The following RPTOR variants were observed in gnomAD, a reference collection of about 807,000 sequenced individuals.
RPTOR encodes the protein regulatory associated protein of MTOR complex 1, also known as regulatory-associated protein of mTOR.
A neutral mutation model predicts 169.9 loss-of-function variants in RPTOR; 21 were observed. That is an observed-to-expected ratio of 0.12 (90% CI 0.09 to 0.18). RPTOR has a LOEUF of 0.18. Among genes scored for constraint, RPTOR ranks in the 10% least tolerant of loss-of-function variants. The pLI, the probability that RPTOR is intolerant of heterozygous loss-of-function variation, is 1.00. For missense variants in RPTOR, 1,133 were observed against 1,855.9 expected, an observed-to-expected ratio of 0.61 and a Z score of 7.16; for synonymous variants, 732 against 753.2, an observed-to-expected ratio of 0.97 and a Z score of 0.46.
chr17:80,631,931 C>T (rs2065445332), intron 2 of RPTOR, among the ~76,000 whole-genome samples: 1 of 152,140 alleles, frequency 6.6e-6, no homozygotes, highest in Admixed American at 6.5e-5. Flanking sequence ...AGAGTGAGAC[C>T]CTGTCTCAAA....
intron 7 of RPTOR, among the ~76,000 whole-genome samples, chr17:80,818,819 G>C (rs898326159): frequency 6.6e-6 from 1 of 152,180 alleles, no homozygotes; most frequent in Non-Finnish European, 1.5e-5. Context: ...ATACCAATTT[G>C]TAAAAACACA....
intron 3 of RPTOR, among the ~76,000 whole-genome samples, chr17:80,700,567 G>C (rs1407408631): frequency 6.8e-6 from 1 of 147,258 alleles, no homozygotes; most frequent in Non-Finnish European, 1.5e-5. Context: ...TGGTAGAGAT[G>C]ATGGTGATGG....
rs1555613641 is a variant in RPTOR, at chr17:80,743,926, G to GAGCCCTGGCTACTAGCAC, written c.655-10076_655-10075insCTACTAGCACAGCCCTGG. Among the ~76,000 whole-genome samples, 20 of 6,574 alleles carry GAGCCCTGGCTACTAGCAC rather than the reference G, an allele frequency of 3.0e-3. 9 individuals are homozygous for GAGCCCTGGCTACTAGCAC. Among genetic ancestry groups the GAGCCCTGGCTACTAGCAC allele is most frequent in the East Asian group, 0.012 (4 of 322 alleles). The allele number at this position is 6,574 out of a possible 152,430, so 4.3% of individuals were successfully genotyped here. A position where few individuals can be genotyped will look rare whatever the true frequency, so the allele number is the denominator to read the frequency against. Reference sequence around the variant, plus strand: ...ACGAGCACAGCCCTGGTTACTAGCAGAGCCCTGGTTACTAGCACAGCCCTG... The same window carrying GAGCCCTGGCTACTAGCAC: ...ACGAGCACAGCCCTGGTTACTAGCAGAGCCCTGGCTACTAGCACAGCCCTGGTTACTAGCACAGCCCTG... On this transcript the variant is annotated intron_variant, in intron 5 of 33. Coordinates refer to ENST00000306801, the MANE Select transcript of RPTOR (RefSeq NM_020761.3).
chr17:80,626,099 C>T (rs973017284), intron 2 of RPTOR, among the ~76,000 whole-genome samples: 1 of 152,116 alleles, frequency 6.6e-6, no homozygotes, highest in African/African-American at 2.4e-5. Context: ...TGTCACCAGG[C>T]TGGAGTGCAG....
At chr17:80,922,959 C>T (rs2068764387) in intron 22 of RPTOR, 132 bp downstream of exon 22, 3 of 734,854 alleles carry the variant, frequency 4.1e-6, no homozygotes, top group African/African-American at 3.5e-5. Context: ...CCCCCCTCTC[C>T]AGCGGGCGTT....
chr17:80,605,459 C>T (rs1052316008), intron 1 of RPTOR, among the ~76,000 whole-genome samples: 1 of 152,142 alleles, frequency 6.6e-6, no homozygotes, highest in Non-Finnish European at 1.5e-5. Context: ...AGAGCCTGCG[C>T]AGGGTTTTTC....
intron 1 of RPTOR, among the ~76,000 whole-genome samples, chr17:80,614,142 C>T (rs12942347): frequency 0.31 from 46,854 of 151,940 alleles, 7,423 homozygotes; most frequent in Non-Finnish European, 0.36. Flanking sequence ...CCTGGAAGAC[C>T]CACCCAGAGC....
At chr17:80,805,240 C>A (rs2067206781) in intron 7 of RPTOR, 1 of 152,322 alleles carries the variant, frequency 6.6e-6, no homozygotes, top group African/African-American at 2.4e-5. Context: ...GATACTTCCA[C>A]AGCAGGAGAG....
intron 21 of RPTOR, among the ~76,000 whole-genome samples, chr17:80,921,473 C>T (rs2068744117): frequency 6.6e-6 from 1 of 152,234 alleles, no homozygotes; most frequent in Admixed American, 6.5e-5. Context: ...CCTGGGCCCT[C>T]GCGAGGTCAT....
intron 3 of RPTOR, among the ~76,000 whole-genome samples, chr17:80,687,501 G>A (rs9901355): frequency 0.23 from 34,703 of 149,608 alleles, 4,036 homozygotes; most frequent in East Asian, 0.31. Flanking sequence ...GTCATTGTTT[G>A]ATGAAAGGCA....
chr17:80,792,056 C>T (rs548157652), intron 7 of RPTOR, among the ~76,000 whole-genome samples: 21 of 152,218 alleles, frequency 1.4e-4, no homozygotes, highest in Admixed American at 2.0e-4. Context: ...TTGGCCAACC[C>T]GTCTGTCCCT....
rs1241933542 is a variant in RPTOR, at chr17:80,936,766, CT to C, written c.2920-3726del. On this transcript the variant is annotated intron_variant, in intron 24 of 33. Transcript: ENST00000306801. This position sits in a 1 kb window ranked among gnomAD's most constrained non-coding sequence, Gnocchi z 4.1. ...CCTCATGTTGCGGGGAGAAGAAACT[CT>C]TTTCCCTCTTGTGCTGAAGTCACAT... is the stretch of plus-strand genomic sequence containing the variant. Among the ~76,000 whole-genome samples the C allele has an allele frequency of 6.6e-6, 1 of 152,246 alleles. No homozygotes were observed. Among genetic ancestry groups the C allele is most frequent in the Non-Finnish European group, 1.5e-5 (1 of 68,052 alleles).
At chr17:80,941,731 C>T (rs1043441700) in intron 25 of RPTOR, 8 of 152,294 alleles carry the variant, frequency 5.3e-5, no homozygotes, top group Admixed American at 2.0e-4. Context: ...GTTGATGACC[C>T]GTAGGACAGA....
intron 3 of RPTOR, among the ~76,000 whole-genome samples, chr17:80,680,620 C>G (rs919846851): frequency 1.3e-5 from 2 of 152,108 alleles, no homozygotes; most frequent in Non-Finnish European, 2.9e-5. Flanking sequence ...CAGAGTGAGA[C>G]TCTGTCTCAA....
At chr17:80,743,808 G>A (rs2066516645) in intron 5 of RPTOR, among the ~76,000 whole-genome samples, 1 of 131,702 alleles carries the variant, frequency 7.6e-6, no homozygotes, top group Admixed American at 7.3e-5. Flanking sequence ...CACAGCCCTG[G>A]CTACTAGCAG....
At chr17:80,673,204 C>T (rs989407283) in intron 3 of RPTOR, among the ~76,000 whole-genome samples, 3 of 152,132 alleles carry the variant, frequency 2.0e-5, no homozygotes, top group East Asian at 1.9e-4. Context: ...AGGTGTGAGC[C>T]GCCACGCCCA....
At chr17:80,638,559 G>A (rs1276025534) in intron 2 of RPTOR, among the ~76,000 whole-genome samples, 3 of 151,402 alleles carry the variant, frequency 2.0e-5, no homozygotes, top group Non-Finnish European at 2.9e-5. Context: ...GCACCAACAC[G>A]CTGATTAATT....
intron 3 of RPTOR, among the ~76,000 whole-genome samples, chr17:80,696,722 C>T (rs897076913): frequency 2.0e-5 from 3 of 152,210 alleles, no homozygotes; most frequent in Non-Finnish European, 4.4e-5. Context: ...CAGCCGTTTG[C>T]AGGCGGGAGC....
chr17:80,674,787 CA>C (rs9319608), intron 3 of RPTOR, among the ~76,000 whole-genome samples: 11 of 89,954 alleles, frequency 1.2e-4, no homozygotes, highest in Non-Finnish European at 1.7e-4. Context: ...GACTCTGTCT[CA>C]AAAAAAAAAA....
Sources: gnomAD v4.1 joint callset for allele counts (sites outside exome capture counted in the v4.1 genomes callset) on GRCh38, gnomAD v4.1.1 for gene constraint, Gnocchi (gnomAD v3.1) non-coding constraint, MANE v1.5 for transcripts, NCBI Gene and HGNC (gene_info 2026-07-23, HGNC 2026-07-21) for gene names.